RANBP2: variants seen among roughly 807,000 people sequenced by gnomAD.
RANBP2 encodes the protein RAN binding protein 2, also known as E3 SUMO-protein ligase RanBP2.
A neutral mutation model predicts 303.6 loss-of-function variants in RANBP2; 57 were observed. That is an observed-to-expected ratio of 0.19 (90% CI 0.15 to 0.23). RANBP2 has a LOEUF of 0.23. Ranked by LOEUF, RANBP2 falls within the 10% of genes least tolerant of loss-of-function variation. The probability of loss-of-function intolerance (pLI) is 1.00; values close to 1 mark genes in which losing one functional copy is unlikely to be tolerated. For missense variants in RANBP2, 3,138 were observed against 3,780.8 expected (o/e 0.83, Z 4.46); for synonymous variants, 1,167 against 1,301.5 (o/e 0.90, Z 2.23).
the RANBP2 span, among the ~76,000 whole-genome samples, chr2:108,872,562 C>T: frequency 0.73 from 110,701 of 151,964 alleles, 43,051 homozygotes; most frequent in East Asian, 0.95. Flanking sequence ...ATGAACAGAA[C>T]TTTAATGGCG....
the RANBP2 span, among the ~76,000 whole-genome samples, chr2:109,564,958 T>C: frequency 6.6e-6 from 1 of 152,206 alleles, no homozygotes; most frequent in Non-Finnish European, 1.5e-5. Flanking sequence ...AACTCAAGAA[T>C]ACTATCCTTC....
At chr2:108,987,325 C>T in the RANBP2 span, among the ~76,000 whole-genome samples, 20 of 152,190 alleles carry the variant, frequency 1.3e-4, no homozygotes, top group Non-Finnish European at 2.6e-4. Flanking sequence ...AGAGGCTCCC[C>T]ATTTAACAGA....
the RANBP2 span, among the ~76,000 whole-genome samples, chr2:109,201,310 C>A: frequency 2.0e-5 from 3 of 152,240 alleles, no homozygotes; most frequent in African/African-American, 7.2e-5. Flanking sequence ...CCCCACTCTC[C>A]CACAGGCCTC....
the RANBP2 span, among the ~76,000 whole-genome samples, chr2:109,078,244 C>CAT: frequency 2.4e-3 from 29 of 11,842 alleles, 3 homozygotes; most frequent in Admixed American, 0.012. Context: ...ATATATATAG[C>CAT]GTGTATATAT....
the RANBP2 span, chr2:108,910,888 G>A: frequency 1.1e-5 from 18 of 1,613,918 alleles, no homozygotes; most frequent in South Asian, 9.9e-5. Context: ...CAGGCTCTCC[G>A]ACAGGGGGAG....
chr2:108,994,207 T>C, the RANBP2 span, among the ~76,000 whole-genome samples: 5 of 152,212 alleles, frequency 3.3e-5, no homozygotes, highest in African/African-American at 7.2e-5. Context: ...ATAATGACTC[T>C]GGTCACATAA....
At chr2:109,231,127 T>C in the RANBP2 span, among the ~76,000 whole-genome samples, 3,107 of 152,338 alleles carry the variant, frequency 0.02, 94 homozygotes, top group African/African-American at 0.072. Flanking sequence ...TTGCCTAGCA[T>C]GGACTTAGTG....
the RANBP2 span, among the ~76,000 whole-genome samples, chr2:108,955,184 C>G: frequency 1.3e-5 from 2 of 152,282 alleles, no homozygotes; most frequent in Admixed American, 1.3e-4. Context: ...ATCTAAATGT[C>G]TGTGCCTTGG....
At chr2:109,432,659 C>T in the RANBP2 span, 1 of 1,611,896 alleles carries the variant, frequency 6.2e-7, no homozygotes, top group Non-Finnish European at 8.5e-7. Flanking sequence ...AACTACGTGA[C>T]ACCCGTTTCC....
chr2:109,657,593 C>T, the RANBP2 span, among the ~76,000 whole-genome samples: 1 of 151,954 alleles, frequency 6.6e-6, no homozygotes, highest in Non-Finnish European at 1.5e-5. Flanking sequence ...TTTAAATTGG[C>T]TATAAATTCC....
At chr2:109,731,635 C>T in the RANBP2 span, among the ~76,000 whole-genome samples, 9 of 151,856 alleles carry the variant, frequency 5.9e-5, no homozygotes, top group African/African-American at 1.2e-4. Context: ...CCTTGTGATC[C>T]GCACTCCTTG....
At chr2:109,551,944 A>G in the RANBP2 span, among the ~76,000 whole-genome samples, 45 of 152,322 alleles carry the variant, frequency 3.0e-4, no homozygotes, top group Non-Finnish European at 4.3e-4. Context: ...GGGGTCCCCA[A>G]TCCCCAGGCC....
chr2:109,408,026 GAAAGA>G, the RANBP2 span, among the ~76,000 whole-genome samples: 3 of 152,166 alleles, frequency 2.0e-5, no homozygotes, highest in South Asian at 4.2e-4. Context: ...GCAGAGTCAG[GAAAGA>G]TCCTTGGGTC....
chr2:109,336,738 A>G, the RANBP2 span, among the ~76,000 whole-genome samples: 1 of 152,236 alleles, frequency 6.6e-6, no homozygotes, highest in African/African-American at 2.4e-5. Context: ...TTTTGTGGAG[A>G]TTTCCATTAC....
chr2:109,114,300 C>G, the RANBP2 span, among the ~76,000 whole-genome samples: 5 of 152,326 alleles, frequency 3.3e-5, no homozygotes, highest in African/African-American at 1.2e-4. Flanking sequence ...ATTATTGCCA[C>G]AATTTCAGAG....
the RANBP2 span, among the ~76,000 whole-genome samples, chr2:109,083,955 A>C: frequency 6.6e-6 from 1 of 152,218 alleles, no homozygotes; most frequent in African/African-American, 2.4e-5. Flanking sequence ...GAGGCCTGCC[A>C]GCATGAGTGG....
At chr2:109,553,086 CCT>C in the RANBP2 span, 2 of 1,607,988 alleles carry the variant, frequency 1.2e-6, no homozygotes, top group Admixed American at 1.7e-5. Context: ...AGCATACTTG[CCT>C]CTCTCTCAGC....
At chr2:108,773,886 A>G (rs1677690834) in intron 23 of RANBP2, among the ~76,000 whole-genome samples, 1 of 152,150 alleles carries the variant, frequency 6.6e-6, no homozygotes, top group South Asian at 2.1e-4. Flanking sequence ...TGACCTCGTG[A>G]TCCACCCACC....
At chr2:109,622,575 A>G in the RANBP2 span, among the ~76,000 whole-genome samples, 1 of 152,238 alleles carries the variant, frequency 6.6e-6, no homozygotes, top group Non-Finnish European at 1.5e-5. Context: ...AATTTGGGTC[A>G]GGAAAGAATA....
Sources: gnomAD v4.1 joint callset for allele counts (sites outside exome capture counted in the v4.1 genomes callset) on GRCh38, gnomAD v4.1.1 for gene constraint, MANE v1.5 for transcripts, NCBI Gene and HGNC (gene_info 2026-07-23, HGNC 2026-07-21) for gene names.